Variants in USP15 observed in about 807,000 individuals in gnomAD.
USP15 encodes ubiquitin carboxyl-terminal hydrolase 15.
USP15 carries 18 observed loss-of-function variants against 127.1 expected under a neutral mutation model. That is an observed-to-expected ratio of 0.14 (90% CI 0.10 to 0.21). The LOEUF (loss-of-function observed/expected upper bound fraction) is 0.21, where lower values mean the gene tolerates loss of function less well. Among genes scored for constraint, USP15 ranks in the 10% least tolerant of loss-of-function variants. The probability of loss-of-function intolerance (pLI) is 1.00; values close to 1 mark genes in which losing one functional copy is unlikely to be tolerated. For missense variants in USP15, 805 were observed against 1,159.9 expected (o/e 0.69, Z 4.44); for synonymous variants, 364 against 393.7 (o/e 0.92, Z 0.89).
chr12:62,261,165 T>C (rs2063043660), intron 1 of USP15, among the ~76,000 whole-genome samples: 1 of 152,172 alleles, frequency 6.6e-6, no homozygotes, highest in South Asian at 2.1e-4. Context: ...AGCGTTTCTG[T>C]TAGACGTGCA....
intron 2 of USP15, among the ~76,000 whole-genome samples, chr12:62,302,155 A>G (rs1051803134): frequency 6.6e-6 from 1 of 152,138 alleles, no homozygotes; most frequent in Admixed American, 6.6e-5. Context: ...ATGGTTCACA[A>G]GATGCCCATT....
chr12:62,375,001 CCATT>C (rs1408451180), intron 8 of USP15, among the ~76,000 whole-genome samples: 1 of 151,898 alleles, frequency 6.6e-6, no homozygotes, highest in Non-Finnish European at 1.5e-5. Context: ...AATGCATAAA[CCATT>C]CAAATATTTT....
chr12:62,329,122 A>G (rs556679054), intron 6 of USP15, among the ~76,000 whole-genome samples: 1 of 152,110 alleles, frequency 6.6e-6, no homozygotes, highest in Admixed American at 6.6e-5. Flanking sequence ...TAGGCTGGGC[A>G]TGGTGGCTTA....
At chr12:62,306,595 T>G (rs923191174) in intron 3 of USP15, among the ~76,000 whole-genome samples, 2 of 152,100 alleles carry the variant, frequency 1.3e-5, no homozygotes. Flanking sequence ...TCTGCCAAAG[T>G]GTTAAAAGTA....
At chr12:62,390,078 G>T in intron 14 of USP15, 90 bp downstream of exon 14, 2 of 1,250,066 alleles carry the variant, frequency 1.6e-6, no homozygotes, top group South Asian at 2.0e-5. Flanking sequence ...GGTACTATTG[G>T]AATATAATTA....
intron 8 of USP15, among the ~76,000 whole-genome samples, chr12:62,361,424 A>T (rs1274511687): frequency 6.6e-6 from 1 of 151,936 alleles, no homozygotes; most frequent in Non-Finnish European, 1.5e-5. Context: ...ATCTTAGAGA[A>T]ATAGAGAGGT....
chr12:62,321,315 T>C, intron 4 of USP15, 149 bp from the exon 5 acceptor site: 1 of 489,454 alleles, frequency 2.0e-6, no homozygotes, highest in Non-Finnish European at 3.4e-6. Flanking sequence ...AAAACCCTTT[T>C]GTTGGTTTGT....
intron 4 of USP15, among the ~76,000 whole-genome samples, chr12:62,317,770 A>G (rs1442892592): frequency 6.6e-6 from 1 of 152,184 alleles, no homozygotes; most frequent in Non-Finnish European, 1.5e-5. Context: ...CTACACTGAT[A>G]TATAGTAAAA....
intron 8 of USP15, among the ~76,000 whole-genome samples, chr12:62,368,734 A>G (rs1312655499): frequency 6.6e-6 from 1 of 152,152 alleles, no homozygotes; most frequent in Non-Finnish European, 1.5e-5. Context: ...TGAATACAGC[A>G]CATTCATGGG....
intron 4 of USP15, 52 bp from the exon 5 acceptor site, chr12:62,321,412 G>T (rs773643856): frequency 8.6e-7 from 1 of 1,163,322 alleles, no homozygotes; most frequent in Non-Finnish European, 1.2e-6. Flanking sequence ...GCTGTATGTG[G>T]TATATTTTGA....
chr12:62,398,433 A>G (rs2137654627), intron 20 of USP15, among the ~76,000 whole-genome samples: 1 of 152,186 alleles, frequency 6.6e-6, no homozygotes, highest in South Asian at 2.1e-4. Flanking sequence ...TTTCTCCTAT[A>G]TTGAAGGCTG....
chr12:62,328,265 A>G (rs2065189926), intron 6 of USP15: 1 of 451,762 alleles, frequency 2.2e-6, no homozygotes, highest in Non-Finnish European at 4.4e-6. Flanking sequence ...ATACCGAGAG[A>G]TCAGCAATCT....
intron 8 of USP15, among the ~76,000 whole-genome samples, chr12:62,371,349 T>C (rs916043668): frequency 6.6e-6 from 1 of 152,188 alleles, no homozygotes; most frequent in Non-Finnish European, 1.5e-5. Context: ...GTGGTGAGAA[T>C]TGTGAAAGCA....
intron 8 of USP15, among the ~76,000 whole-genome samples, chr12:62,375,120 A>G (rs769927638): frequency 2.6e-5 from 4 of 152,172 alleles, no homozygotes; most frequent in Non-Finnish European, 5.9e-5. Context: ...ATTCTTCTTT[A>G]GAATTTTTAT....
intron 7 of USP15, among the ~76,000 whole-genome samples, chr12:62,352,939 G>A (rs770857473): frequency 6.6e-6 from 1 of 151,774 alleles, no homozygotes; most frequent in Non-Finnish European, 1.5e-5. Context: ...ATTTATTTTT[G>A]CAAAGTAGCA....
intron 1 of USP15, among the ~76,000 whole-genome samples, chr12:62,285,761 CT>C (rs1056454032): frequency 1.3e-5 from 2 of 152,106 alleles, no homozygotes; most frequent in African/African-American, 4.8e-5. Flanking sequence ...GTGCAGGTGT[CT>C]TTTTGATAGA....
chr12:62,362,712 A>G (rs2137482293), intron 8 of USP15, among the ~76,000 whole-genome samples: 1 of 152,300 alleles, frequency 6.6e-6, no homozygotes, highest in South Asian at 2.1e-4. Context: ...TCACTCTCAT[A>G]ATCACTAATT....
intron 1 of USP15, among the ~76,000 whole-genome samples, chr12:62,284,010 G>A (rs1457730964): frequency 6.6e-6 from 1 of 152,094 alleles, no homozygotes; most frequent in Non-Finnish European, 1.5e-5. Context: ...AATTAATTGG[G>A]GAAAAAATGT....
In USP15 at chr12:62,278,899, A is replaced by G. The variant is rs115675508; in HGVS notation, c.90-15280A>G. 1.9e-3 allele frequency among the ~76,000 whole-genome samples: 293 copies of G among 152,284 alleles called. 3 individuals are homozygous for G. The highest frequency in any genetic ancestry group is 6.8e-3 in the African/African-American group (281 of 41,574). ...AATGAAAAACAGAATCATCGTATGG[A>G]TATTAGAAATATGGTTTCTGCTGAA... On this transcript the variant is annotated intron_variant, in intron 1 of 21. Coordinates refer to ENST00000280377, the MANE Select transcript of USP15 (RefSeq NM_001252078.2).
Sources: gnomAD v4.1 joint callset for allele counts (sites outside exome capture counted in the v4.1 genomes callset) on GRCh38, gnomAD v4.1.1 for gene constraint, MANE v1.5 for transcripts, NCBI Gene and HGNC (gene_info 2026-07-23, HGNC 2026-07-21) for gene names.